TMCO6: variants seen among roughly 807,000 people sequenced by gnomAD.
TMCO6 encodes transmembrane and coiled-coil domain-containing protein 6.
A neutral mutation model predicts 61.8 loss-of-function variants in TMCO6; 47 were observed. The ratio of observed to expected loss-of-function variants is 0.76; its 90% confidence interval spans 0.60 to 0.97. TMCO6 has a LOEUF of 0.97. Ranked by LOEUF, TMCO6 falls within the 50% of genes least tolerant of loss-of-function variation. The pLI is 0.00. For missense variants in TMCO6, 557 were observed against 601.6 expected, an observed-to-expected ratio of 0.93 and a Z score of 0.78; for synonymous variants, 261 against 254.2, an observed-to-expected ratio of 1.03 and a Z score of -0.25.
the TMCO6 span, among the ~76,000 whole-genome samples, chr5:140,623,830 C>T: frequency 6.6e-6 from 1 of 152,110 alleles, no homozygotes; most frequent in African/African-American, 2.4e-5. Context: ...ATCCTCCTGC[C>T]TTGGCCTCCC....
chr5:140,645,326 C>A lies in TMCO6; in HGVS notation c.*228C>A, dbSNP rs7705468. The A allele has an allele frequency of 2.9e-5, 21 of 724,486 alleles. No individual in the cohort carries two copies. Among genetic ancestry groups the A allele is most frequent in the Middle Eastern group, 7.0e-4 (2 of 2,840 alleles). The allele number at this position is 724,486 out of a possible 1,614,324, so 44.9% of individuals were successfully genotyped here. ...TTACTCTGGGGCCCTAGAATCCCTG[C>A]CCCCCCGCCACCCTTCATGTTTGCT... On this transcript the variant is annotated 3_prime_UTR_variant, in exon 12 of 12. Transcript: ENST00000394671.
At chr5:140,605,499 G>A in the TMCO6 span, among the ~76,000 whole-genome samples, 2 of 152,070 alleles carry the variant, frequency 1.3e-5, no homozygotes, top group Non-Finnish European at 2.9e-5. Context: ...GACCAACACA[G>A]TGAAACCCCA....
rs1561949174 is a variant in TMCO6, at chr5:140,642,063, GTCCCT to G, written c.498+14_498+18del. Reference sequence around the variant, plus strand: ...CAGCTCAGACTTCATAGTAAGCCCTGTCCCTTCCTATCTTGTTCTTGGTTTAGATT... The same window carrying G: ...CAGCTCAGACTTCATAGTAAGCCCTGTCCTATCTTGTTCTTGGTTTAGATT... On this transcript the variant is annotated intron_variant, in intron 4 of 11. Coordinates refer to ENST00000394671, the MANE Select transcript of TMCO6 (RefSeq NM_018502.5). 1 of 1,593,492 alleles carries G rather than the reference GTCCCT, an allele frequency of 6.3e-7. No homozygotes were observed. Among genetic ancestry groups the G allele is most frequent in the South Asian group, 1.1e-5 (1 of 90,452 alleles).
At chr5:140,605,400 C>T in the TMCO6 span, among the ~76,000 whole-genome samples, 2 of 152,080 alleles carry the variant, frequency 1.3e-5, no homozygotes. Flanking sequence ...CATCTTTAGG[C>T]CAGGTGTGGT....
chr5:140,618,665 A>G, the TMCO6 span, among the ~76,000 whole-genome samples: 2 of 152,234 alleles, frequency 1.3e-5, no homozygotes, highest in South Asian at 4.1e-4. Context: ...CCACTCAAGT[A>G]GACCCCAGTG....
chr5:140,603,703 A>G, the TMCO6 span, among the ~76,000 whole-genome samples: 1 of 151,952 alleles, frequency 6.6e-6, no homozygotes, highest in Non-Finnish European at 1.5e-5. Flanking sequence ...ATAATATTCC[A>G]TTAAATGTTC....
chr5:140,626,320 A>C, the TMCO6 span, among the ~76,000 whole-genome samples: 1 of 148,390 alleles, frequency 6.7e-6, no homozygotes, highest in Non-Finnish European at 1.5e-5. Context: ...TCTTAATAAA[A>C]CCTTATAGAA....
At chr5:140,613,591 G>A in the TMCO6 span, among the ~76,000 whole-genome samples, 1 of 151,888 alleles carries the variant, frequency 6.6e-6, no homozygotes, top group East Asian at 1.9e-4. Context: ...TTGTGAACTA[G>A]GTACCAGTCC....
chr5:140,634,843 C>T (rs921222913), upstream of TMCO6, among the ~76,000 whole-genome samples: 8 of 151,896 alleles, frequency 5.3e-5, no homozygotes, highest in South Asian at 4.2e-4. Flanking sequence ...CCAGGCTGGG[C>T]GCGATCTCAG....
the TMCO6 span, chr5:140,632,893 C>T: frequency 4.3e-6 from 7 of 1,614,196 alleles, no homozygotes; most frequent in South Asian, 7.7e-5. This position sits in a 1 kb window ranked among gnomAD's most constrained non-coding sequence, Gnocchi z 6.2. Flanking sequence ...CAGCGGAAAT[C>T]TTCATCGTCC....
At chr5:140,617,135 C>T in the TMCO6 span, among the ~76,000 whole-genome samples, 2 of 152,096 alleles carry the variant, frequency 1.3e-5, no homozygotes, top group African/African-American at 4.8e-5. Flanking sequence ...GAAAGATACT[C>T]AAGGTCTTGG....
the TMCO6 span, chr5:140,633,129 T>C: frequency 6.2e-7 from 1 of 1,610,782 alleles, no homozygotes; most frequent in South Asian, 1.1e-5. Context: ...TGCTTTAGCT[T>C]CTTTCCTACA....
upstream of TMCO6, among the ~76,000 whole-genome samples, chr5:140,635,793 G>T (rs1174691242): frequency 6.6e-6 from 1 of 152,130 alleles, no homozygotes; most frequent in Non-Finnish European, 1.5e-5. Context: ...GGAGGAACAT[G>T]GTCTGGAGAA....
chr5:140,644,606 G>T lies in TMCO6; in HGVS notation c.1234G>T (p.Gly412Cys). 1 of 1,614,220 alleles carries T rather than the reference G, an allele frequency of 6.2e-7. No homozygotes were observed. The highest frequency in any genetic ancestry group is 8.5e-7 in the Non-Finnish European group (1 of 1,180,040). ...LTVLCNVAEKGPAYCQRLWPG... is the reference protein window; with the variant it reads ...LTVLCNVAEKCPAYCQRLWPG... ...AGTTCTGTGCAATGTTGCAGAAAAG[G>T]GTCCTGCTTACTGCCAGCGGCTGTG... Residue 412 changes from glycine to cysteine, a missense_variant, in exon 11 of 12, where the codon GGT becomes TGT. By Grantham distance (159) the Gly-to-Cys change is radical. Transcript: ENST00000394671.
rs1033956464 is a variant in TMCO6 at position 140,642,354 on chromosome 5, A to G, written c.538A>G (p.Ser180Gly). ...TACACTGGGTAACCTGATCGTGGAG[A>G]GTGAGGCTGTGAGAAGGCAGCTCCT... ...LYTLGNLIVE[S>G]EAVRRQLLPQ... is the part of the protein sequence containing the mutation. Residue 180 changes from serine (S) to glycine (G), a missense_variant, in exon 5 of 12, where the codon AGT becomes GGT. By Grantham distance (56) the Ser-to-Gly change is moderately conservative. Coordinates refer to ENST00000394671, the MANE Select transcript of TMCO6 (RefSeq NM_018502.5). The G allele has an allele frequency of 6.2e-7, 1 of 1,613,692 alleles. No homozygotes were observed. Among genetic ancestry groups the G allele is most frequent in the Non-Finnish European group, 8.5e-7 (1 of 1,179,876 alleles).
At chr5:140,599,208 C>G in the TMCO6 span, among the ~76,000 whole-genome samples, 6 of 152,200 alleles carry the variant, frequency 3.9e-5, no homozygotes, top group African/African-American at 1.4e-4. Flanking sequence ...TCCACTCATT[C>G]CATGGACCCA....
chr5:140,639,575 G>A lies in TMCO6; in HGVS notation c.48G>A (p.Val16=). Residue 16 remains valine, a synonymous_variant, in exon 1 of 12, where the codon GTG becomes GTA. Transcript: ENST00000394671. ...GCCTCAGGCCCACGGTCTGCGGGGT[G>A]GAGGAGCTACGGCGCCGCCGGCGGG... ...QGRLRPTVCG[V]EELRRRRRER... 6.5e-7 allele frequency: 1 copy of A among 1,546,754 alleles called. No individual in the cohort carries two copies. Among genetic ancestry groups the A allele is most frequent in the Non-Finnish European group, 8.7e-7 (1 of 1,145,070 alleles).
At chr5:140,601,516 G>A in the TMCO6 span, among the ~76,000 whole-genome samples, 1 of 152,162 alleles carries the variant, frequency 6.6e-6, no homozygotes, top group African/African-American at 2.4e-5. Context: ...TCAGAGTACT[G>A]CTCTAAGACC....
downstream of TMCO6, chr5:140,647,323 C>G (rs1581476103): frequency 6.2e-7 from 1 of 1,600,008 alleles, no homozygotes; most frequent in Non-Finnish European, 8.5e-7. Flanking sequence ...GGTCGGGATT[C>G]GCCTTCTTCA....
Sources: allele counts gnomAD v4.1 joint callset (sites outside exome capture counted in the v4.1 genomes callset), GRCh38; gene constraint gnomAD v4.1.1; non-coding constraint Gnocchi (gnomAD v3.1); transcripts MANE v1.5; gene names NCBI Gene and HGNC (gene_info 2026-07-23, HGNC 2026-07-21).